HMG20A: variants seen among roughly 807,000 people sequenced by gnomAD.
The protein encoded by HMG20A is high mobility group protein 20A.
In HMG20A, 17 loss-of-function variants were observed where a neutral mutation model predicts 43.9. The observed-to-expected ratio is 0.39, with a 90% CI of 0.27 to 0.58. The LOEUF (loss-of-function observed/expected upper bound fraction) is 0.58. Ranked by LOEUF, HMG20A falls within the 20% of genes least tolerant of loss-of-function variation. The probability of loss-of-function intolerance (pLI) is 0.59; values close to 1 mark genes in which losing one functional copy is unlikely to be tolerated. For missense variants in HMG20A, 341 were observed against 438.2 expected (o/e 0.78, Z 1.98); for synonymous variants, 132 against 147.5 (o/e 0.89, Z 0.76).
At chr15:77,434,175 G>A (rs1395820462) in intron 1 of HMG20A, among the ~76,000 whole-genome samples, 2 of 152,066 alleles carry the variant, frequency 1.3e-5, no homozygotes, top group Non-Finnish European at 1.5e-5. Flanking sequence ...GGAAGGGGCA[G>A]GGAATGAATC....
chr15:77,485,887 G>A (rs1241441455), downstream of HMG20A, among the ~76,000 whole-genome samples: 2 of 152,188 alleles, frequency 1.3e-5, no homozygotes, highest in African/African-American at 2.4e-5. Context: ...AGCCGAGATC[G>A]TGCCACTGCA....
chr15:77,461,357 A>G (rs2072703260), intron 2 of HMG20A, among the ~76,000 whole-genome samples: 1 of 152,176 alleles, frequency 6.6e-6, no homozygotes, highest in Non-Finnish European at 1.5e-5. Flanking sequence ...TGGAAGTGGG[A>G]TGGAGTTTTT....
At chr15:77,448,466 A>G (rs12917211) in intron 1 of HMG20A, among the ~76,000 whole-genome samples, 12,128 of 152,180 alleles carry the variant, frequency 0.08, 594 homozygotes, top group Non-Finnish European at 0.1. Flanking sequence ...TTTCCTAAAG[A>G]TTACCTCAGT....
At chr15:77,510,779 G>T in the HMG20A span, among the ~76,000 whole-genome samples, 1 of 152,228 alleles carries the variant, frequency 6.6e-6, no homozygotes, top group African/African-American at 2.4e-5. Flanking sequence ...TGAGCCAGGG[G>T]CTGGCCCAGG....
chr15:77,468,101 A>G (rs932006166), intron 4 of HMG20A, among the ~76,000 whole-genome samples: 18 of 152,252 alleles, frequency 1.2e-4, no homozygotes, highest in Non-Finnish European at 2.5e-4. Context: ...AGAAATTTTC[A>G]AAGAGATCAG....
intron 1 of HMG20A, among the ~76,000 whole-genome samples, chr15:77,454,601 G>A (rs931166588): frequency 8.5e-5 from 13 of 152,140 alleles, no homozygotes; most frequent in Admixed American, 7.9e-4. Context: ...TACATTTATA[G>A]TAATACTCTT....
the HMG20A span, among the ~76,000 whole-genome samples, chr15:77,509,845 T>C: frequency 6.6e-6 from 1 of 150,744 alleles, no homozygotes; most frequent in Admixed American, 6.6e-5. Flanking sequence ...AGGCAGAGGC[T>C]GCAGTGAGCA....
At chr15:77,477,732 C>T in intron 7 of HMG20A, 102 bp downstream of exon 7, 1 of 726,972 alleles carries the variant, frequency 1.4e-6, no homozygotes, top group Admixed American at 2.7e-5. Context: ...GTTATCCCTC[C>T]TTAGGACTAC....
the HMG20A span, among the ~76,000 whole-genome samples, chr15:77,503,302 GTTTTGCTA>G: frequency 6.6e-6 from 1 of 152,114 alleles, no homozygotes; most frequent in African/African-American, 2.4e-5. Flanking sequence ...AAAACCATCA[GTTTTGCTA>G]TTTCACCTGT....
At chr15:77,519,470 TAG>T in the HMG20A span, among the ~76,000 whole-genome samples, 2 of 152,306 alleles carry the variant, frequency 1.3e-5, no homozygotes, top group African/African-American at 4.8e-5. Context: ...CCCAGTGTGA[TAG>T]TATTAAGAGG....
chr15:77,433,280 T>G (rs2073508242), intron 1 of HMG20A, among the ~76,000 whole-genome samples: 1 of 147,352 alleles, frequency 6.8e-6, no homozygotes, highest in Non-Finnish European at 1.5e-5. Context: ...AGTTCGAGGT[T>G]ACAGTGGGCT....
chr15:77,511,331 C>A, the HMG20A span, among the ~76,000 whole-genome samples: 4 of 152,288 alleles, frequency 2.6e-5, no homozygotes, highest in East Asian at 7.7e-4. Flanking sequence ...CTGAGAAGGT[C>A]TGGGAGCAAC....
chr15:77,456,080 A>G (rs1401984949), intron 1 of HMG20A, among the ~76,000 whole-genome samples: 1 of 152,150 alleles, frequency 6.6e-6, no homozygotes, highest in Non-Finnish European at 1.5e-5. Flanking sequence ...GAATACAACA[A>G]ACTTAAGAGA....
intron 1 of HMG20A, among the ~76,000 whole-genome samples, chr15:77,428,883 A>G (rs12904938): frequency 0.63 from 95,361 of 151,402 alleles, 30,717 homozygotes; most frequent in Middle Eastern, 0.72. Flanking sequence ...AGAGGATCGC[A>G]TAAGCCCAGG....
intron 1 of HMG20A, among the ~76,000 whole-genome samples, chr15:77,445,809 G>A (rs2073667951): frequency 6.6e-6 from 1 of 152,200 alleles, no homozygotes; most frequent in Admixed American, 6.5e-5. Context: ...GACAAGGGGA[G>A]GATTCACATC....
At chr15:77,443,370 G>GATTATTATTATT (rs1491137059) in intron 1 of HMG20A, among the ~76,000 whole-genome samples, 16 of 124,796 alleles carry the variant, frequency 1.3e-4, no homozygotes, top group Admixed American at 4.4e-4. Flanking sequence ...TGATGATGAT[G>GATTATTATTATT]ATGATGATGA....
chr15:77,444,523 C>T (rs1447587275), intron 1 of HMG20A, among the ~76,000 whole-genome samples: 3 of 151,710 alleles, frequency 2.0e-5, no homozygotes, highest in Non-Finnish European at 4.4e-5. Context: ...TGTTATTTCA[C>T]CTTGAAAAAA....
At chr15:77,463,623 G>T (rs1343462992) in intron 2 of HMG20A, among the ~76,000 whole-genome samples, 1 of 152,170 alleles carries the variant, frequency 6.6e-6, no homozygotes, top group Non-Finnish European at 1.5e-5. Context: ...AATCTGGTTT[G>T]CTAACTCATC....
chr15:77,503,405 G>A, the HMG20A span, among the ~76,000 whole-genome samples: 1 of 152,134 alleles, frequency 6.6e-6, no homozygotes, highest in Non-Finnish European at 1.5e-5. Context: ...ATCCTTTCCA[G>A]CTCCAAAACC....
Sources: gnomAD v4.1 joint callset for allele counts (sites outside exome capture counted in the v4.1 genomes callset) on GRCh38, gnomAD v4.1.1 for gene constraint, MANE v1.5 for transcripts, NCBI Gene and HGNC (gene_info 2026-07-23, HGNC 2026-07-21) for gene names.